The following IQSEC1 variants were observed in gnomAD, a reference collection of about 807,000 sequenced individuals.
IQSEC1 encodes the protein IQ motif and SEC7 domain-containing protein 1.
In IQSEC1, 31 loss-of-function variants were observed where a neutral mutation model predicts 91.0. That is an observed-to-expected ratio of 0.34 (90% CI 0.26 to 0.46). The LOEUF is 0.46. Among genes scored for constraint, IQSEC1 ranks in the 20% least tolerant of loss-of-function variants. The probability of loss-of-function intolerance (pLI) is 1.00; values close to 1 mark genes in which losing one functional copy is unlikely to be tolerated. For missense variants in IQSEC1, 1,388 were observed against 1,575.6 expected (o/e 0.88, Z 2.02); for synonymous variants, 699 against 662.6 (o/e 1.05, Z -0.84).
intron 1 of IQSEC1, among the ~76,000 whole-genome samples, chr3:13,243,767 T>C (rs1409455270): frequency 6.6e-6 from 1 of 151,152 alleles, no homozygotes. Flanking sequence ...GCATGTGCAG[T>C]TGTTCTCTGG....
At chr3:13,156,849 G>C (rs577555035) in intron 2 of IQSEC1, among the ~76,000 whole-genome samples, 44 of 152,316 alleles carry the variant, frequency 2.9e-4, no homozygotes, top group Non-Finnish European at 3.1e-4. Context: ...TAGGCTGAGG[G>C]AACAGCACAG....
At chr3:13,169,872 A>G (rs929387634) in intron 1 of IQSEC1, among the ~76,000 whole-genome samples, 1 of 152,242 alleles carries the variant, frequency 6.6e-6, no homozygotes, top group Non-Finnish European at 1.5e-5. Context: ...GAAGCAGAGC[A>G]TAAAAGTTTG....
intron 1 of IQSEC1, among the ~76,000 whole-genome samples, chr3:13,028,919 C>G (rs1345097698): frequency 6.6e-6 from 1 of 152,096 alleles, no homozygotes; most frequent in Admixed American, 6.5e-5. Flanking sequence ...ATTCTGAGAC[C>G]TGCGCTGGCC....
chr3:12,980,004 C>G (rs1701376001), intron 1 of IQSEC1, among the ~76,000 whole-genome samples: 1 of 152,214 alleles, frequency 6.6e-6, no homozygotes, highest in African/African-American at 2.4e-5. Flanking sequence ...GCCTCCACGT[C>G]CTGTTCCACT....
At chr3:13,108,930 G>A (rs939125511) in intron 2 of IQSEC1, among the ~76,000 whole-genome samples, 1 of 152,218 alleles carries the variant, frequency 6.6e-6, no homozygotes, top group Non-Finnish European at 1.5e-5. Flanking sequence ...AGGCAAATGC[G>A]GTAAACAGTG....
Position 13,097,923 on chromosome 3 carries a change from G to T in IQSEC1, c.303-50401C>A, listed in dbSNP as rs144639753. Among the ~76,000 whole-genome samples, 861 of 152,348 alleles carry T rather than the reference G, an allele frequency of 5.7e-3. 1 individual carries two copies. Among genetic ancestry groups the T allele is most frequent in the Admixed American group, 7.1e-3 (109 of 15,310 alleles). On this transcript the variant is annotated intron_variant, in intron 2 of 15. Coordinates refer to the IQSEC1 transcript ENST00000648114. ...ATAGGAGGTGCCCATCTGTCCCACA[G>T]GGGTGCATGGAAGGCCCTGGACACT...
At chr3:12,984,667 C>A (rs898490653) in intron 1 of IQSEC1, among the ~76,000 whole-genome samples, 1 of 152,096 alleles carries the variant, frequency 6.6e-6, no homozygotes. Flanking sequence ...TAAAGCCCCA[C>A]CCCTCAGCCC....
chr3:13,055,596 C>T (rs138374422), intron 1 of IQSEC1, among the ~76,000 whole-genome samples: 7 of 152,330 alleles, frequency 4.6e-5, no homozygotes, highest in Non-Finnish European at 1.0e-4. Context: ...CTTCACCACC[C>T]GTGTAGAGCA....
chr3:13,029,530 C>G (rs573937703), intron 1 of IQSEC1, among the ~76,000 whole-genome samples: 3 of 152,334 alleles, frequency 2.0e-5, no homozygotes, highest in South Asian at 2.1e-4. Context: ...TTCACTACCC[C>G]CTTCCTTAGA....
At chr3:13,031,819 G>A (rs1703852071) in intron 1 of IQSEC1, among the ~76,000 whole-genome samples, 1 of 152,170 alleles carries the variant, frequency 6.6e-6, no homozygotes, top group South Asian at 2.1e-4. Flanking sequence ...GACAGGGAGG[G>A]CCTCTTTAAG....
intron 1 of IQSEC1, among the ~76,000 whole-genome samples, chr3:12,997,952 A>T (rs1702282731): frequency 1.3e-5 from 2 of 152,232 alleles, no homozygotes; most frequent in South Asian, 4.1e-4. Context: ...AAAATTATTG[A>T]AGTATTCTTG....
chr3:13,175,687 C>T (rs144728436), intron 1 of IQSEC1, among the ~76,000 whole-genome samples: 2,117 of 152,320 alleles, frequency 0.014, 18 homozygotes, highest in Non-Finnish European at 0.02. Flanking sequence ...ATTTATTCCT[C>T]GACGTTTGAG....
At position 12,983,756 on chromosome 3, in the gene IQSEC1, C is replaced by T. The variant is rs529352257; in HGVS notation, c.24-41891G>A. ...TTTCCCTCTCCCCTCTGGACAGCTC[C>T]GTGAGGATAAGAATAAGGTTGTCCG... On this transcript the variant is annotated intron_variant, in intron 1 of 13. Coordinates refer to ENST00000613206, the MANE Select transcript of IQSEC1 (RefSeq NM_001134382.3). The surrounding 1 kb of genome is among the most constrained non-coding windows in gnomAD (Gnocchi z 4.3). Among the ~76,000 whole-genome samples the T allele has an allele frequency of 1.1e-4, 17 of 152,216 alleles. No individual in the cohort carries two copies. The highest frequency in any genetic ancestry group is 3.1e-4 in the African/African-American group (13 of 41,524).
chr3:12,938,478 T>A (rs1698436529), intron 2 of IQSEC1, among the ~76,000 whole-genome samples: 2 of 152,016 alleles, frequency 1.3e-5, no homozygotes, highest in Admixed American at 1.3e-4. Context: ...TGGGGGGGCT[T>A]GAGGGGAGCA....
intron 1 of IQSEC1, among the ~76,000 whole-genome samples, chr3:13,257,982 A>AG (rs1388358519): frequency 2.0e-5 from 3 of 152,266 alleles, no homozygotes; most frequent in Non-Finnish European, 4.4e-5. Flanking sequence ...AATATTATTC[A>AG]GTGCTAAAAA....
In IQSEC1 at chr3:12,936,654, C is replaced by T. The variant is rs1698230640; in HGVS notation, c.362G>A (p.Arg121His). Residue 121 changes from arginine (R) to histidine (H), a missense_variant, in exon 3 of 14, where the codon CGC (arginine) becomes CAC (histidine). Physicochemically the swap from Arg to His is conservative, Grantham distance 29 (BLOSUM62 0). Coordinates refer to ENST00000613206, the MANE Select transcript of IQSEC1 (RefSeq NM_001134382.3). ...CGTCTGGATGGTGCGGGCCGCATGG[C>T]GGGTTACCAGGCGCCCCCCATACTT... is the stretch of plus-strand genomic sequence containing the variant. ...ERKYGGRLVT[R>H]HAARTIQTAF... 1.2e-6 allele frequency: 2 copies of T among 1,602,834 alleles called. No homozygotes were observed. The highest frequency in any genetic ancestry group is 1.1e-5 in the South Asian group (1 of 89,644).
rs538653718 is a variant in IQSEC1 at position 12,908,220 on chromosome 3, G to T, written c.2755+129C>A. ...TCACACGCTGCTCTGCTTTGCGGAA[G>T]GTCAGGGGAAATGCCGCACTGGCTT... On this transcript the variant is annotated intron_variant, in intron 12 of 13. Transcript: ENST00000613206. The surrounding 1 kb of genome is among the most constrained non-coding windows in gnomAD (Gnocchi z 4.9). 14 of 931,236 alleles carry T rather than the reference G, an allele frequency of 1.5e-5. No individual in the cohort carries two copies. Among genetic ancestry groups the T allele is most frequent in the Middle Eastern group, 3.4e-4 (1 of 2,910 alleles). 57.7% of individuals were successfully genotyped at this position (931,236 alleles called of 1,614,324 possible).
At chr3:12,927,411 T>C (rs1395788521) in intron 3 of IQSEC1, among the ~76,000 whole-genome samples, 3 of 135,070 alleles carry the variant, frequency 2.2e-5, no homozygotes, top group African/African-American at 6.0e-5. Flanking sequence ...GTGCATGCTC[T>C]AACTCCACCC....
chr3:13,222,278 C>G (rs1576300355), intron 1 of IQSEC1, among the ~76,000 whole-genome samples: 1 of 152,172 alleles, frequency 6.6e-6, no homozygotes, highest in African/African-American at 2.4e-5. Flanking sequence ...ATCCTGTCGT[C>G]CAGGTTCATC....
Sources: gnomAD v4.1 joint callset for allele counts (sites outside exome capture counted in the v4.1 genomes callset) on GRCh38, gnomAD v4.1.1 for gene constraint, Gnocchi (gnomAD v3.1) non-coding constraint, MANE v1.5 for transcripts, NCBI Gene and HGNC (gene_info 2026-07-23, HGNC 2026-07-21) for gene names.